CSMD1: variants seen among roughly 807,000 people sequenced by gnomAD.
CSMD1 encodes the protein CUB and sushi domain-containing protein 1.
A neutral mutation model predicts 417.5 loss-of-function variants in CSMD1; 213 were observed. That is an observed-to-expected ratio of 0.51 (90% CI 0.46 to 0.57). The LOEUF is 0.57. Among genes scored for constraint, CSMD1 ranks in the 20% least tolerant of loss-of-function variants. The probability of loss-of-function intolerance (pLI) is 0.00; values close to 1 mark genes in which losing one functional copy is unlikely to be tolerated. For synonymous variants in CSMD1, 2,862 were observed against 1,736.8 expected, an observed-to-expected ratio of 1.65 and a Z score of -16.11; for missense variants, 6,923 against 4,529.7, an observed-to-expected ratio of 1.53 and a Z score of -15.17.
chr8:3,318,901 C>T (rs1174177293), intron 23 of CSMD1, among the ~76,000 whole-genome samples: 1 of 152,084 alleles, frequency 6.6e-6, no homozygotes, highest in Non-Finnish European at 1.5e-5. Context: ...ACAGGTCATG[C>T]TTGATGGCAG....
intron 5 of CSMD1, among the ~76,000 whole-genome samples, chr8:3,830,707 A>T (rs907897095): frequency 6.6e-6 from 1 of 152,194 alleles, no homozygotes; most frequent in Admixed American, 6.5e-5. Context: ...AATTCCTCCC[A>T]GACCTGCTGA....
chr8:2,996,583 G>C (rs1027020039), intron 54 of CSMD1, among the ~76,000 whole-genome samples: 7 of 152,204 alleles, frequency 4.6e-5, no homozygotes, highest in African/African-American at 1.7e-4. Flanking sequence ...GTCACCGCTA[G>C]CTCTCTTGAG....
intron 7 of CSMD1, among the ~76,000 whole-genome samples, chr8:3,663,432 A>C (rs1278725863): frequency 6.6e-6 from 1 of 152,120 alleles, no homozygotes; most frequent in South Asian, 2.1e-4. Context: ...GACTCAAGAG[A>C]ACTGAGAGAT....
chr8:3,073,884 G>C (rs1438135011), intron 49 of CSMD1, among the ~76,000 whole-genome samples: 1 of 151,968 alleles, frequency 6.6e-6, no homozygotes, highest in East Asian at 1.9e-4. Flanking sequence ...TTGACTGTTA[G>C]ATGTGCAAGA....
chr8:3,292,008 G>C (rs1213540240), intron 25 of CSMD1, among the ~76,000 whole-genome samples: 1 of 152,010 alleles, frequency 6.6e-6, no homozygotes, highest in East Asian at 1.9e-4. Flanking sequence ...ATGTGTCCCA[G>C]AGATTCTGGT....
At chr8:3,515,283 G>A (rs1297894870) in intron 10 of CSMD1, 1 of 152,164 alleles carries the variant, frequency 6.6e-6, no homozygotes, top group Non-Finnish European at 1.5e-5. Flanking sequence ...TCTGGAGTAT[G>A]TGGTGTAAAT....
At chr8:4,326,633 G>C (rs187963829) in intron 3 of CSMD1, among the ~76,000 whole-genome samples, 2 of 152,106 alleles carry the variant, frequency 1.3e-5, no homozygotes, top group Admixed American at 6.6e-5. Flanking sequence ...GAACATATAG[G>C]ATAAAAGCAT....
At chr8:3,000,836 C>T (rs114782129) in intron 52 of CSMD1, among the ~76,000 whole-genome samples, 1 of 152,094 alleles carries the variant, frequency 6.6e-6, no homozygotes. Flanking sequence ...AGCGCGAGAT[C>T]GCGACAGGCG....
intron 49 of CSMD1, among the ~76,000 whole-genome samples, chr8:3,072,516 C>A (rs1813389329): frequency 6.6e-6 from 1 of 152,156 alleles, no homozygotes; most frequent in Non-Finnish European, 1.5e-5. Context: ...CTTGTCATGT[C>A]ATGGTCAAAA....
chr8:3,405,895 G>A (rs1025753356), intron 15 of CSMD1, 132 bp downstream of exon 15: 6 of 780,796 alleles, frequency 7.7e-6, no homozygotes, highest in Non-Finnish European at 1.2e-5. Context: ...CACTCCTGTT[G>A]GTTAAGTGAC....
chr8:4,188,216 G>A (rs751519983), intron 3 of CSMD1, among the ~76,000 whole-genome samples: 1 of 152,080 alleles, frequency 6.6e-6, no homozygotes, highest in Non-Finnish European at 1.5e-5. Context: ...TTTACATGAT[G>A]TAAAATTTGA....
At chr8:4,149,710 C>G (rs1026336300) in intron 3 of CSMD1, among the ~76,000 whole-genome samples, 3 of 152,170 alleles carry the variant, frequency 2.0e-5, no homozygotes, top group African/African-American at 7.2e-5. Context: ...TGCTGAGCTC[C>G]AACAGAAACA....
At chr8:3,797,097 G>C (rs775347418) in intron 5 of CSMD1, among the ~76,000 whole-genome samples, 4 of 151,798 alleles carry the variant, frequency 2.6e-5, no homozygotes, top group Non-Finnish European at 5.9e-5. Context: ...TTTAATGGGT[G>C]AACATTTAAA....
chr8:3,190,776 G>A lies in CSMD1; in HGVS notation c.5195-661C>T, dbSNP rs549033499. 3.9e-5 allele frequency among the ~76,000 whole-genome samples: 6 copies of A among 152,306 alleles called. No individual in the cohort carries two copies. The South Asian group carries it at 1.2e-3, about 32-fold the overall frequency. On this transcript the variant is annotated intron_variant, in intron 33 of 69. Coordinates refer to ENST00000635120, the MANE Select transcript of CSMD1 (RefSeq NM_033225.6). ...GATGAACAGATAAAGAAAACGTGGAGTAGATAAAAGAAGAAATTCTGCTAT... is the reference window on the plus strand; with the variant it reads ...GATGAACAGATAAAGAAAACGTGGAATAGATAAAAGAAGAAATTCTGCTAT...
chr8:4,777,619 T>G (rs961162238), intron 1 of CSMD1, among the ~76,000 whole-genome samples: 1 of 152,226 alleles, frequency 6.6e-6, no homozygotes, highest in African/African-American at 2.4e-5. Flanking sequence ...TTGATTGTTT[T>G]TAGAGAATTT....
intron 26 of CSMD1, among the ~76,000 whole-genome samples, chr8:3,253,843 G>C (rs1800452963): frequency 1.3e-5 from 2 of 152,150 alleles, no homozygotes; most frequent in Non-Finnish European, 2.9e-5. Flanking sequence ...GCCAGTCTGT[G>C]TCTTTTAGTT....
chr8:3,157,769 C>G (rs1374686005), intron 39 of CSMD1, 128 bp downstream of exon 39: 1 of 721,728 alleles, frequency 1.4e-6, no homozygotes, highest in East Asian at 2.8e-5. Flanking sequence ...GCATTATGTG[C>G]TATTAGTATA....
At chr8:4,473,229 T>G in intron 2 of CSMD1, among the ~76,000 whole-genome samples, 1 of 152,170 alleles carries the variant, frequency 6.6e-6, no homozygotes, top group Non-Finnish European at 1.5e-5. Flanking sequence ...AGTTTTAAAT[T>G]TTAAGCCATT....
chr8:3,308,481 C>T lies in CSMD1; in HGVS notation c.3654G>A (p.Glu1218=). ...TYTSFDLVKC[E]DPGIPNYGYR... The stretch of plus-strand genomic sequence containing the variant: ...AGCCGTAGTTAGGGATGCCCGGATC[C>T]TCACATTTTACCAGATCAAAACCTG... The change falls in exon 24 of 70, where the codon GAG becomes GAA. Residue 1218 remains glutamate, a synonymous_variant. Transcript: ENST00000635120. 1.9e-6 allele frequency: 3 copies of T among 1,612,856 alleles called. No homozygotes were observed. Among genetic ancestry groups the T allele is most frequent in the Non-Finnish European group, 2.5e-6 (3 of 1,179,266 alleles).
Sources: allele counts gnomAD v4.1 joint callset (sites outside exome capture counted in the v4.1 genomes callset), GRCh38; gene constraint gnomAD v4.1.1; transcripts MANE v1.5; gene names NCBI Gene and HGNC (gene_info 2026-07-23, HGNC 2026-07-21).